ECPAS: variants seen among roughly 807,000 people sequenced by gnomAD.
ECPAS encodes the protein proteasome adapter and scaffold protein ECM29.
ECPAS carries 70 observed loss-of-function variants against 255.1 expected under a neutral mutation model. The ratio of observed to expected loss-of-function variants is 0.27; its 90% CI spans 0.23 to 0.33. The LOEUF (loss-of-function observed/expected upper bound fraction) is 0.33. Among genes scored for constraint, ECPAS ranks in the 10% least tolerant of loss-of-function variants. The pLI is 1.00. For synonymous variants in ECPAS, 784 were observed against 775.0 expected (o/e 1.01, Z -0.19); for missense variants, 1,817 against 2,206.4 (o/e 0.82, Z 3.54).
chr9:111,459,088 G>C (rs545505137), intron 2 of ECPAS, among the ~76,000 whole-genome samples: 1 of 152,064 alleles, frequency 6.6e-6, no homozygotes, highest in African/African-American at 2.4e-5. Context: ...GGAGGGCTAT[G>C]CCCTTAACTG....
intron 15 of ECPAS, among the ~76,000 whole-genome samples, chr9:111,420,842 A>C (rs1017614641): frequency 6.6e-6 from 1 of 152,184 alleles, no homozygotes; most frequent in African/African-American, 2.4e-5. Flanking sequence ...CAGTCCTTGA[A>C]CTACATTAAA....
rs569600968 is a variant in ECPAS at position 111,402,712 on chromosome 9, T to C, written c.2653-5559A>G. On this transcript the variant is annotated intron_variant, in intron 24 of 49. Coordinates refer to ENST00000684092, the MANE Select transcript of ECPAS (RefSeq NM_001364929.1). ...ATTAAAACAGAGTTTTTAAGTTTTT[T>C]CTTTGCTTGTTTTTGTTCTTTTCTT... Among the ~76,000 whole-genome samples the C allele has an allele frequency of 3.3e-5, 5 of 152,342 alleles. No homozygotes were observed. In the South Asian group the frequency reaches 6.2e-4, roughly 19 times the overall value.
chr9:111,471,451 T>G (rs1384043463), intron 2 of ECPAS, among the ~76,000 whole-genome samples: 3 of 152,104 alleles, frequency 2.0e-5, no homozygotes, highest in African/African-American at 7.2e-5. Context: ...TTTTGTATCA[T>G]CAGCAGCAAT....
Position 111,410,158 on chromosome 9 carries a change from C to G in ECPAS, c.2433G>C (p.Leu811=). 1 of 1,613,008 alleles carries G rather than the reference C, an allele frequency of 6.2e-7. No homozygotes were observed. Among genetic ancestry groups the G allele is most frequent in the Non-Finnish European group, 8.5e-7 (1 of 1,179,558 alleles). The part of the protein sequence containing the change: ...PLLAIAACTA[L]GEIGRNGPLP... ...GTGGACCATTTCTGCCAATTTCACC[C>G]AGGGCTGTGCAGGCAGCAATTGCCA... The change falls in exon 23 of 50, where the codon CTG becomes CTC. Residue 811 remains leucine, a synonymous_variant. Coordinates refer to ENST00000684092, the MANE Select transcript of ECPAS (RefSeq NM_001364929.1).
chr9:111,387,708 GAC>G (rs2098152011), intron 31 of ECPAS, among the ~76,000 whole-genome samples: 1 of 145,412 alleles, frequency 6.9e-6, no homozygotes, highest in Non-Finnish European at 1.5e-5. Flanking sequence ...GTTACTGAGA[GAC>G]AGTGTCTCAC....
At chr9:111,433,582 A>T (rs2098233283) in intron 7 of ECPAS, among the ~76,000 whole-genome samples, 1 of 152,304 alleles carries the variant, frequency 6.6e-6, no homozygotes, top group East Asian at 1.9e-4. Context: ...TAAATCAATC[A>T]TTATACCCAT....
At chr9:111,472,784 GA>G (rs796510529) in intron 2 of ECPAS, 112 bp downstream of exon 2, 4,777 of 195,716 alleles carry the variant, frequency 0.024, 5 homozygotes, top group South Asian at 0.056. Flanking sequence ...GCTAGAAAAG[GA>G]AAAAAAAAAA....
intron 24 of ECPAS, among the ~76,000 whole-genome samples, chr9:111,401,815 A>G (rs191586308): frequency 6.6e-6 from 1 of 152,348 alleles, no homozygotes; most frequent in African/African-American, 2.4e-5. Flanking sequence ...TGCAAGAAGA[A>G]AAATATGGCT....
intron 5 of ECPAS, 147 bp from the exon 6 acceptor site, chr9:111,440,668 C>T: frequency 1.6e-6 from 1 of 612,012 alleles, no homozygotes; most frequent in Non-Finnish European, 2.8e-6. Context: ...TTACAAAGTC[C>T]TAATCTAGGG....
intron 18 of ECPAS, among the ~76,000 whole-genome samples, chr9:111,415,392 A>G (rs1033361027): frequency 6.6e-6 from 1 of 152,102 alleles, no homozygotes; most frequent in African/African-American, 2.4e-5. Context: ...AAAAATAGAT[A>G]TAACACCATA....
At chr9:111,483,421 C>G (rs2098309885) in intron 1 of ECPAS, 2 of 682,732 alleles carry the variant, frequency 2.9e-6, no homozygotes, top group East Asian at 1.4e-4. Context: ...GCCTGGCGCC[C>G]CAGCCCTCAT....
At chr9:111,393,070 G>T (rs1299159594) in intron 27 of ECPAS, among the ~76,000 whole-genome samples, 188 bp from the exon 28 acceptor site, 2 of 152,144 alleles carry the variant, frequency 1.3e-5, no homozygotes, top group African/African-American at 2.4e-5. Flanking sequence ...CACCACACAA[G>T]TTACTGTAAA....
At chr9:111,373,037 A>G in intron 41 of ECPAS, 133 bp downstream of exon 41, 1 of 831,292 alleles carries the variant, frequency 1.2e-6, no homozygotes, top group Non-Finnish European at 1.9e-6. Flanking sequence ...ATCTCAAAAA[A>G]AAAGAAAAGA....
intron 41 of ECPAS, 124 bp from the exon 42 acceptor site, chr9:111,372,744 T>C (rs76818332): frequency 0.028 from 22,700 of 813,122 alleles, 1,127 homozygotes; most frequent in African/African-American, 0.15. Flanking sequence ...GAAATGTTTC[T>C]AGCAGGCTGG....
chr9:111,403,152 A>C (rs1375828556), intron 24 of ECPAS, among the ~76,000 whole-genome samples: 2 of 151,674 alleles, frequency 1.3e-5, no homozygotes, highest in Admixed American at 6.6e-5. Context: ...CAGGGGTTCA[A>C]GACCAGCCTG....
chr9:111,433,915 G>C (rs193025202), intron 7 of ECPAS, among the ~76,000 whole-genome samples: 10 of 152,298 alleles, frequency 6.6e-5, no homozygotes, highest in Admixed American at 3.9e-4. Context: ...GCTACTCAAT[G>C]CAAGTGAAAT....
At chr9:111,469,458 CG>C (rs1435488961) in intron 2 of ECPAS, among the ~76,000 whole-genome samples, 2 of 151,634 alleles carry the variant, frequency 1.3e-5, no homozygotes, top group African/African-American at 4.9e-5. Flanking sequence ...GATTTGAACC[CG>C]GGAGGTGGAG....
intron 36 of ECPAS, among the ~76,000 whole-genome samples, chr9:111,376,950 G>A (rs2098133994): frequency 6.6e-6 from 1 of 152,182 alleles, no homozygotes; most frequent in African/African-American, 2.4e-5. Context: ...TCGTATCTAT[G>A]AAGGTATTTT....
intron 12 of ECPAS, 150 bp downstream of exon 12, chr9:111,425,268 T>C: frequency 1.9e-6 from 1 of 536,312 alleles, no homozygotes; most frequent in Non-Finnish European, 3.1e-6. Flanking sequence ...AGGGCAGTAA[T>C]TTCTGAAATT....
Sources: allele counts gnomAD v4.1 joint callset (sites outside exome capture counted in the v4.1 genomes callset), GRCh38; gene constraint gnomAD v4.1.1; transcripts MANE v1.5; gene names NCBI Gene and HGNC (gene_info 2026-07-23, HGNC 2026-07-21).